PLCD3: variants seen among roughly 807,000 people sequenced by gnomAD.
The protein encoded by PLCD3 is 1-phosphatidylinositol 4,5-bisphosphate phosphodiesterase delta-3.
In PLCD3, 62 loss-of-function variants were observed where a neutral mutation model predicts 82.8. The ratio of observed to expected loss-of-function variants is 0.75; its 90% confidence interval spans 0.61 to 0.93. PLCD3 has a LOEUF of 0.93. Ranked by LOEUF, PLCD3 falls within the 40% of genes least tolerant of loss-of-function variation. The pLI is 0.00. For synonymous variants in PLCD3, 478 were observed against 471.8 expected (o/e 1.01, Z -0.17); for missense variants, 1,023 against 1,103.4 (o/e 0.93, Z 1.03).
chr17:45,111,423 G>T lies in PLCD3; in HGVS notation c.*1193C>A, dbSNP rs2143540629. 1 of 152,510 alleles carries T rather than the reference G, an allele frequency of 6.6e-6. No homozygotes were observed. 9.4% of individuals were successfully genotyped at this position (152,510 alleles called of 1,614,324 possible). Reference sequence around the variant, plus strand: ...GTGTGTTGTGGGGAGGCGCTGACCTGCTGAATTGGCATCCTCAGACAGTCT... The same window carrying T: ...GTGTGTTGTGGGGAGGCGCTGACCTTCTGAATTGGCATCCTCAGACAGTCT... On this transcript the variant is annotated 3_prime_UTR_variant, in exon 15 of 15. Transcript: ENST00000619929.
Position 45,115,173 on chromosome 17 carries a change from G to A in PLCD3, c.1632C>T (p.His544=). The change falls in exon 10 of 15, where the codon CAC becomes CAT. Residue 544 remains histidine (H), a synonymous_variant. Coordinates refer to ENST00000619929, the MANE Select transcript of PLCD3 (RefSeq NM_133373.5). ...YCHATRLRTL[H]PAPNAPQPCQ... is the part of the protein sequence containing the mutation. The stretch of plus-strand genomic sequence containing the variant: ...AGGGTTGTGGGGCGTTGGGGGCAGG[G>A]TGCAGGGTCCGCAGGCGGGTGGCGT... 2 of 1,596,024 alleles carry A rather than the reference G, an allele frequency of 1.3e-6. No individual in the cohort carries two copies. Among genetic ancestry groups the A allele is most frequent in the Non-Finnish European group, 1.7e-6 (2 of 1,171,468 alleles).
rs764986321 is a variant in PLCD3 at position 45,114,305 on chromosome 17, C to T, written c.1773G>A (p.Arg591=). The T allele has an allele frequency of 2.0e-5, 31 of 1,549,156 alleles. No individual in the cohort carries two copies. In the South Asian group the frequency reaches 3.7e-4, roughly 18 times the overall value. ...GGGGACTGTAGTTGGCTGAGTTCAT[C>T]CGCAGCCCCAGCGGGTACACGCGGG... ...QLTRVYPLGL[R]MNSANYSPQE... The change falls in exon 11 of 15, where the codon CGG becomes CGA. Residue 591 remains arginine, a synonymous_variant. Coordinates refer to ENST00000619929, the MANE Select transcript of PLCD3 (RefSeq NM_133373.5).
At chr17:45,115,833 C>T (rs1428038574) in intron 8 of PLCD3, among the ~76,000 whole-genome samples, 1 of 152,102 alleles carries the variant, frequency 6.6e-6, no homozygotes, top group African/African-American at 2.4e-5. Context: ...TTTTTTGGTA[C>T]CATTTAAAAG....
chr17:45,117,171 C>G (rs2054298027), intron 7 of PLCD3, among the ~76,000 whole-genome samples: 1 of 152,180 alleles, frequency 6.6e-6, no homozygotes, highest in Non-Finnish European at 1.5e-5. Flanking sequence ...TCTCAAACTC[C>G]TGACCTCAGG....
chr17:45,116,948 A>AT (rs902151377), intron 7 of PLCD3, among the ~76,000 whole-genome samples, 164 bp from the exon 8 acceptor site: 10 of 150,098 alleles, frequency 6.7e-5, no homozygotes, highest in Admixed American at 2.7e-4. Flanking sequence ...TGCAGGAATT[A>AT]TTTTTTTTTT....
rs2054338064 is a variant in PLCD3 at position 45,121,311 on chromosome 17, G to C, written c.225C>G (p.Arg75=). 1.3e-6 allele frequency: 2 copies of C among 1,566,914 alleles called. No individual in the cohort carries two copies. Among genetic ancestry groups the C allele is most frequent in the Non-Finnish European group, 1.7e-6 (2 of 1,165,200 alleles). Residue 75 remains arginine, a synonymous_variant, in exon 2 of 15, where the codon CGC becomes CGG. Transcript: ENST00000619929. ...GCCGCTCCTTGTGCCACGTGCGCGA[G>C]CGGATCTTGCGGAGCCGGGAGCCCC... ...MLRGSRLRKI[R]SRTWHKERLY... is the part of the protein sequence containing the mutation.
chr17:45,126,635 T>C (rs900581288), intron 1 of PLCD3, among the ~76,000 whole-genome samples: 11 of 151,502 alleles, frequency 7.3e-5, no homozygotes, highest in African/African-American at 1.5e-4. Flanking sequence ...TTTAATGATA[T>C]AATATGCTGG....
chr17:45,117,706 C>T (rs1019634493), intron 7 of PLCD3, among the ~76,000 whole-genome samples: 1 of 152,200 alleles, frequency 6.6e-6, no homozygotes, highest in Non-Finnish European at 1.5e-5. Context: ...CTTTGGAAGT[C>T]ATGATTAAAA....
Position 45,121,109 on chromosome 17 carries a change from G to A in PLCD3, c.347C>T (p.Ala116Val), listed in dbSNP as rs1384771410. Residue 116 changes from alanine (A) to valine (V), a missense_variant, in exon 3 of 15, where the codon GCG (alanine) becomes GTG (valine). Transcript: ENST00000619929. Reference protein sequence around the residue: ...QHIFFVQHIEAVREGHQSEGL... With the variant: ...QHIFFVQHIEVVREGHQSEGL... ...CTCGGACTGGTGGCCCTCGCGGACC[G>A]CCTCGATGTGCTGCACGAAGACTGA... The A allele has an allele frequency of 3.3e-6, 5 of 1,526,472 alleles. No individual in the cohort carries two copies. Among genetic ancestry groups the A allele is most frequent in the African/African-American group, 1.4e-5 (1 of 71,568 alleles). 94.6% of individuals were successfully genotyped at this position (1,526,472 alleles called of 1,614,324 possible). A position where few individuals can be genotyped will look rare whatever the true frequency, so the allele number is the denominator to read the frequency against.
intron 1 of PLCD3, among the ~76,000 whole-genome samples, chr17:45,125,583 G>A (rs1005707306): frequency 6.6e-6 from 1 of 152,224 alleles, no homozygotes; most frequent in Non-Finnish European, 1.5e-5. Flanking sequence ...GAGACATGGC[G>A]AGACTCCGTC....
At position 45,118,822 on chromosome 17, in the gene PLCD3, G is replaced by C; in HGVS notation, c.906C>G (p.Asn302Lys). 2 of 1,603,110 alleles carry C rather than the reference G, an allele frequency of 1.2e-6. No homozygotes were observed. The highest frequency in any genetic ancestry group is 4.5e-5 in the East Asian group (2 of 44,638). The change falls in exon 5 of 15, where the codon AAC becomes AAG. Residue 302 changes from asparagine (N) to lysine (K), a missense_variant. Transcript: ENST00000619929. The surrounding 1 kb of genome is among the most constrained non-coding windows in gnomAD (Gnocchi z 4.1). ...AQQLIQTYELNETAKQHELMT... is the reference protein window; with the variant it reads ...AQQLIQTYELKETAKQHELMT... ...CCGTGCCACCCCCCCCACCTGTCTC[G>C]TTGAGCTCATAGGTCTGAATGAGCT...
intron 1 of PLCD3, among the ~76,000 whole-genome samples, chr17:45,131,937 C>G (rs930151467): frequency 6.6e-6 from 1 of 152,184 alleles, no homozygotes; most frequent in Non-Finnish European, 1.5e-5. Flanking sequence ...AGGGACACCC[C>G]AAGCCTCCCT....
chr17:45,123,442 A>G (rs1340509114), intron 1 of PLCD3, among the ~76,000 whole-genome samples: 1 of 152,224 alleles, frequency 6.6e-6, no homozygotes. Flanking sequence ...CTCATCCCAG[A>G]GCCAGGATAC....
In PLCD3 at chr17:45,118,933, G is replaced by T; in HGVS notation, c.795C>A (p.Gly265=). ...ELEEIFHQYS[G]EDRVLSAPEL... is the part of the protein sequence containing the mutation. ...CAGGGGCACTCAGCACGCGGTCCTC[G>T]CCCGAGTACTGATGGAAGATCTCCT... The change falls in exon 5 of 15, where the codon GGC becomes GGA. Residue 265 remains glycine, a synonymous_variant. Transcript: ENST00000619929. The surrounding 1 kb of genome is among the most constrained non-coding windows in gnomAD (Gnocchi z 4.1). The T allele has an allele frequency of 1.9e-6, 3 of 1,612,462 alleles. No individual in the cohort carries two copies. Among genetic ancestry groups the T allele is most frequent in the Non-Finnish European group, 1.7e-6 (2 of 1,179,662 alleles).
At position 45,121,223 on chromosome 17, in the gene PLCD3, A is replaced by C. The variant is rs368284208; in HGVS notation, c.313T>G (p.Ser105Ala). The C allele has an allele frequency of 9.4e-6, 15 of 1,588,510 alleles. No homozygotes were observed. Among genetic ancestry groups the C allele is most frequent in the Non-Finnish European group, 1.3e-5 (15 of 1,175,530 alleles). Residue 105 changes from serine (S) to alanine (A), a missense_variant, in exon 2 of 15, where the codon TCG becomes GCG. By Grantham distance (99) the Ser-to-Ala change is moderately conservative. This residue lies in a region of PLCD3 where 448 missense variants were observed against 406.3 expected (regional missense o/e 1.10). Transcript: ENST00000619929. ...WFQRRIPRAP[S>A]QHIFFVQHIE... The stretch of plus-strand genomic sequence containing the variant: ...CCCGGCCTCTCACAGATGTGCTGCG[A>C]TGGCGCACGCGGGATGCGCCGCTGG...
Position 45,118,904 on chromosome 17 carries a change from AG to A in PLCD3, c.823del (p.Leu275CysfsTer36). ...GCCCTGGTCCTCCAGGAACTCCAGC[AG>A]CTCAGGGGCACTCAGCACGCGGTCC... is the stretch of plus-strand genomic sequence containing the variant. ...GEDRVLSAPE[L>X]LEFLEDQGEE... On this transcript the variant is annotated frameshift_variant, in exon 5 of 15. Transcript: ENST00000619929. LOFTEE classifies it high-confidence loss of function. The surrounding 1 kb of genome is among the most constrained non-coding windows in gnomAD (Gnocchi z 4.1). 1 of 1,612,776 alleles carries A rather than the reference AG, an allele frequency of 6.2e-7. No homozygotes were observed. The highest frequency in any genetic ancestry group is 8.5e-7 in the Non-Finnish European group (1 of 1,179,836).
intron 4 of PLCD3, 134 bp downstream of exon 4, chr17:45,120,191 G>A: frequency 8.1e-7 from 1 of 1,238,560 alleles, no homozygotes; most frequent in Admixed American, 2.2e-5. Flanking sequence ...TTGCCTTTGT[G>A]CAGGGAAAGG....
intron 1 of PLCD3, among the ~76,000 whole-genome samples, chr17:45,131,846 C>T (rs1374952232): frequency 4.6e-5 from 7 of 152,154 alleles, no homozygotes; most frequent in African/African-American, 7.2e-5. Context: ...GGAGGCCGAC[C>T]GCAAACTCGC....
chr17:45,121,053 G>C lies in PLCD3; in HGVS notation c.403C>G (p.Pro135Ala). Residue 135 changes from proline (P) to alanine (A), a missense_variant, in exon 3 of 15, where the codon CCA becomes GCA. By Grantham distance (27) the Pro-to-Ala change is conservative (BLOSUM62 -1). Around this residue, in one of 3 missense-constraint regions of PLCD3, gnomAD observed 448 missense variants for 406.3 expected, o/e 1.10. Transcript: ENST00000619929. ...GLRRFGGAFA[P>A]ARCLTIAFKG... ...AAGGCGATGGTGAGGCAGCGCGCTG[G>C]CGCGAAGGCACCCCCGAAGCGCCGC... The C allele has an allele frequency of 6.5e-7, 1 of 1,540,626 alleles. No individual in the cohort carries two copies. Among genetic ancestry groups the C allele is most frequent in the Non-Finnish European group, 8.7e-7 (1 of 1,151,238 alleles).
Sources: allele counts gnomAD v4.1 joint callset (sites outside exome capture counted in the v4.1 genomes callset), GRCh38; gene constraint gnomAD v4.1.1; regional missense constraint gnomAD v4.1.1; non-coding constraint Gnocchi (gnomAD v3.1); transcripts MANE v1.5; gene names NCBI Gene and HGNC (gene_info 2026-07-23, HGNC 2026-07-21).